C2orf49: variants seen among roughly 807,000 people sequenced by gnomAD.
C2orf49 encodes tRNA splicing ligase complex subunit 2.
In C2orf49, 11 loss-of-function variants were observed where a neutral mutation model predicts 20.6. The ratio of observed to expected loss-of-function variants is 0.53; its 90% CI spans 0.34 to 0.88. The LOEUF (loss-of-function observed/expected upper bound fraction) is 0.88, where lower values mean the gene tolerates loss of function less well. Ranked by LOEUF, C2orf49 falls within the 40% of genes least tolerant of loss-of-function variation. The probability of loss-of-function intolerance (pLI) is 0.02; values close to 1 mark genes in which losing one functional copy is unlikely to be tolerated. For synonymous variants in C2orf49, 134 were observed against 108.5 expected, an observed-to-expected ratio of 1.24 and a Z score of -1.46; for missense variants, 289 against 274.2, an observed-to-expected ratio of 1.05 and a Z score of -0.38.
At chr2:105,378,066 C>A in the C2orf49 span, 1 of 471,202 alleles carries the variant, frequency 2.1e-6, no homozygotes, top group Non-Finnish European at 4.4e-6. Context: ...TCACCACAGC[C>A]AGTGCTCCGG....
the C2orf49 span, among the ~76,000 whole-genome samples, chr2:105,367,224 T>C: frequency 6.6e-6 from 1 of 152,258 alleles, no homozygotes; most frequent in East Asian, 1.9e-4. Context: ...TGCAGTTGTT[T>C]TCTTGTTTTA....
At chr2:105,350,946 TC>T (rs1679917269), downstream of C2orf49, among the ~76,000 whole-genome samples, 1 of 152,204 alleles carries the variant, frequency 6.6e-6, no homozygotes, top group African/African-American at 2.4e-5. Flanking sequence ...TGTTCCAGGA[TC>T]CTACCCAGGG....
At chr2:105,384,255 G>T in the C2orf49 span, among the ~76,000 whole-genome samples, 1 of 152,058 alleles carries the variant, frequency 6.6e-6, no homozygotes, top group South Asian at 2.1e-4. Context: ...TTTTTCTCGG[G>T]CTATCTACTT....
the C2orf49 span, chr2:105,363,099 C>T: frequency 6.5e-4 from 384 of 590,952 alleles, no homozygotes; most frequent in Non-Finnish European, 1.1e-3. Context: ...AGGAAGGAAT[C>T]ATTACTTGCT....
chr2:105,368,446 C>T, the C2orf49 span, among the ~76,000 whole-genome samples: 1 of 152,186 alleles, frequency 6.6e-6, no homozygotes, highest in African/African-American at 2.4e-5. Context: ...AAACTCCTGC[C>T]TCAACCTGAG....
rs746717167 is a variant in C2orf49, at chr2:105,342,932, G to C, written c.351G>C (p.Lys117Asn). Residue 117 changes from lysine to asparagine, a missense_variant, in exon 3 of 4, where the codon AAG becomes AAC. Coordinates refer to ENST00000258457, the MANE Select transcript of C2orf49 (RefSeq NM_024093.3). ...SSTSTSIKVKKTENGDNDRLK... is the reference protein window; with the variant it reads ...SSTSTSIKVKNTENGDNDRLK... ...CAAGTACAAGCATAAAAGTGAAAAA[G>C]ACAGAGAATGGAGATAATGATCGAC... 4.3e-6 allele frequency: 7 copies of C among 1,614,086 alleles called. No individual in the cohort carries two copies. Among genetic ancestry groups the C allele is most frequent in the Non-Finnish European group, 5.9e-6 (7 of 1,180,038 alleles).
In C2orf49 at chr2:105,347,207, A is replaced by T. The variant is rs546255337; in HGVS notation, c.*1836A>T. 4.9e-4 allele frequency: 75 copies of T among 152,356 alleles called. No individual in the cohort carries two copies. The highest frequency in any genetic ancestry group is 1.7e-3 in the African/African-American group (72 of 41,592). 9.4% of individuals were successfully genotyped at this position (152,356 alleles called of 1,614,324 possible). On this transcript the variant is annotated 3_prime_UTR_variant, in exon 4 of 4. Coordinates refer to ENST00000258457, the MANE Select transcript of C2orf49 (RefSeq NM_024093.3). ...TTGCATAAATTGTTAACGTTACAGT[A>T]AATTGTTATCTGCAGGGCTGACAGA...
chr2:105,355,180 C>A, the C2orf49 span, among the ~76,000 whole-genome samples: 1 of 151,580 alleles, frequency 6.6e-6, no homozygotes, highest in East Asian at 1.9e-4. Context: ...CCTTTTCATG[C>A]ATGGAGGGAG....
At chr2:105,371,829 ATTGTT>A in the C2orf49 span, among the ~76,000 whole-genome samples, 1 of 152,072 alleles carries the variant, frequency 6.6e-6, no homozygotes. Context: ...CGTGGTTCTT[ATTGTT>A]ACTGAGTGTT....
At chr2:105,344,092 AAC>A (rs1252894188) in intron 3 of C2orf49, among the ~76,000 whole-genome samples, 1 of 152,214 alleles carries the variant, frequency 6.6e-6, no homozygotes, top group African/African-American at 2.4e-5. Context: ...TCCTTTCAGT[AAC>A]TATGAAGTAG....
chr2:105,366,104 G>A, the C2orf49 span, among the ~76,000 whole-genome samples: 1 of 152,110 alleles, frequency 6.6e-6, no homozygotes, highest in South Asian at 2.1e-4. Context: ...AGCTACTTGG[G>A]AGGCTGAGGC....
chr2:105,371,005 A>G, the C2orf49 span, among the ~76,000 whole-genome samples: 2 of 152,184 alleles, frequency 1.3e-5, no homozygotes, highest in African/African-American at 4.8e-5. Flanking sequence ...CCCATTCCTT[A>G]GTAGAAGAGG....
downstream of C2orf49, among the ~76,000 whole-genome samples, chr2:105,351,376 T>C (rs1324077828): frequency 7.0e-6 from 1 of 143,450 alleles, no homozygotes; most frequent in Non-Finnish European, 1.5e-5. Context: ...CTGTGCTCTT[T>C]GGAACAAACT....
At chr2:105,343,250 G>T in intron 3 of C2orf49, 27 bp downstream of exon 3, 1 of 1,536,024 alleles carries the variant, frequency 6.5e-7, no homozygotes. Context: ...TTTCCATGCT[G>T]GTAAGTGGTC....
chr2:105,339,721 C>A lies in C2orf49; in HGVS notation c.238C>A (p.Gln80Lys), dbSNP rs1467766418. 2 of 1,599,104 alleles carry A rather than the reference C, an allele frequency of 1.3e-6. No individual in the cohort carries two copies. Among genetic ancestry groups the A allele is most frequent in the Non-Finnish European group, 1.7e-6 (2 of 1,176,686 alleles). ...WGKMMEKKREQHEIKNETKRS... is the reference protein window; with the variant it reads ...WGKMMEKKREKHEIKNETKRS... ...GAAAATGATGGAAAAGAAAAGAGAA[C>A]AACATGAGATTAAAAATGAGACTAA... The change falls in exon 2 of 4, where the codon CAA (glutamine) becomes AAA (lysine). Residue 80 changes from glutamine to lysine, a missense_variant. Coordinates refer to ENST00000258457, the MANE Select transcript of C2orf49 (RefSeq NM_024093.3).
At chr2:105,342,808 C>T in intron 2 of C2orf49, 40 bp from the exon 3 acceptor site, 1 of 1,564,384 alleles carries the variant, frequency 6.4e-7, no homozygotes, top group East Asian at 2.3e-5. Context: ...GTTTGCCGTT[C>T]CAGATGGTAT....
chr2:105,365,050 T>C, the C2orf49 span, among the ~76,000 whole-genome samples: 1 of 152,316 alleles, frequency 6.6e-6, no homozygotes, highest in South Asian at 2.1e-4. Flanking sequence ...CTGCAACATG[T>C]GTCCTCAGTC....
At chr2:105,361,329 G>C in the C2orf49 span, 2 of 1,614,122 alleles carry the variant, frequency 1.2e-6, no homozygotes, top group Non-Finnish European at 1.7e-6. Context: ...GTCCCTCTCT[G>C]TGAGGAAGCC....
the C2orf49 span, among the ~76,000 whole-genome samples, chr2:105,356,018 G>C: frequency 8.1e-3 from 1,229 of 152,294 alleles, 17 homozygotes; most frequent in African/African-American, 0.028. Flanking sequence ...GCCAAGATGG[G>C]GGGAATCGCT....
Sources: allele counts gnomAD v4.1 joint callset (sites outside exome capture counted in the v4.1 genomes callset), GRCh38; gene constraint gnomAD v4.1.1; transcripts MANE v1.5; gene names NCBI Gene and HGNC (gene_info 2026-07-23, HGNC 2026-07-21).